The following CNTNAP3 variants were observed in gnomAD, a reference collection of about 807,000 sequenced individuals.
The protein encoded by CNTNAP3 is contactin-associated protein-like 3.
A neutral mutation model predicts 92.1 loss-of-function variants in CNTNAP3; 36 were observed. That is an observed-to-expected ratio of 0.39 (90% CI 0.30 to 0.52). The LOEUF is 0.52. Among genes scored for constraint, CNTNAP3 ranks in the 20% least tolerant of loss-of-function variants. The pLI, the probability that CNTNAP3 is intolerant of heterozygous loss-of-function variation, is 0.76. For synonymous variants in CNTNAP3, 232 were observed against 422.3 expected, an observed-to-expected ratio of 0.55 and a Z score of 5.53; for missense variants, 534 against 1,069.6, an observed-to-expected ratio of 0.50 and a Z score of 6.98.
chr9:39,096,561 T>A (rs1341099599), intron 18 of CNTNAP3, among the ~76,000 whole-genome samples: 3 of 151,372 alleles, frequency 2.0e-5, no homozygotes, highest in Non-Finnish European at 4.4e-5. Context: ...TTAGGAACAT[T>A]CCAGTTCCAC....
intron 13 of CNTNAP3, among the ~76,000 whole-genome samples, chr9:39,131,717 T>A (rs948980704): frequency 3.3e-5 from 5 of 152,154 alleles, no homozygotes; most frequent in Non-Finnish European, 5.9e-5. Context: ...TCTCAGCTAT[T>A]CGGGAGGCTG....
chr9:39,100,480 C>T (rs2778224), intron 17 of CNTNAP3, among the ~76,000 whole-genome samples: 35,009 of 151,770 alleles, frequency 0.23, 4,347 homozygotes, highest in East Asian at 0.38. Context: ...AAACACTATT[C>T]TACTTTGTTT....
chr9:39,115,109 T>A (rs1587715073), intron 14 of CNTNAP3, among the ~76,000 whole-genome samples: 1 of 151,982 alleles, frequency 6.6e-6, no homozygotes, highest in African/African-American at 2.4e-5. Context: ...AACTTTTTTT[T>A]AAGTAATATG....
At chr9:39,080,394 A>G (rs1212816436) in intron 21 of CNTNAP3, among the ~76,000 whole-genome samples, 1 of 136,228 alleles carries the variant, frequency 7.3e-6, no homozygotes, top group East Asian at 2.5e-4. Context: ...CCCATTTTGT[A>G]GTTTTCCACT....
chr9:39,113,058 A>T (rs1006029930), intron 14 of CNTNAP3, among the ~76,000 whole-genome samples: 18 of 151,428 alleles, frequency 1.2e-4, no homozygotes, highest in Admixed American at 3.3e-4. Flanking sequence ...TTTTGGGCTA[A>T]TTTTTTTTTG....
chr9:39,085,208 C>T (rs141908866), intron 21 of CNTNAP3: 22,120 of 124,068 alleles, frequency 0.18, 5,155 homozygotes, highest in African/African-American at 0.47. Flanking sequence ...CCTTGCGTAA[C>T]AGATATTTAT....
At chr9:39,111,317 A>G (rs1229185420) in intron 14 of CNTNAP3, among the ~76,000 whole-genome samples, 1 of 152,174 alleles carries the variant, frequency 6.6e-6, no homozygotes, top group African/African-American at 2.4e-5. Context: ...TTCTTTTATA[A>G]AAGACTTTAG....
chr9:39,135,484 G>A (rs916592591), intron 12 of CNTNAP3, among the ~76,000 whole-genome samples: 1 of 152,052 alleles, frequency 6.6e-6, no homozygotes, highest in African/African-American at 2.4e-5. Flanking sequence ...CCCAGAAGGA[G>A]GGTAACTGTA....
chr9:39,148,519 G>A (rs1271714872), intron 10 of CNTNAP3, among the ~76,000 whole-genome samples: 8 of 148,310 alleles, frequency 5.4e-5, no homozygotes, highest in Non-Finnish European at 8.9e-5. Context: ...ACCAGATGCA[G>A]ATATAACTTT....
rs1286499772 is a variant in CNTNAP3, at chr9:39,140,386, T to A, written c.1876+133A>T. 1.1e-5 allele frequency: 15 copies of A among 1,374,014 alleles called. No homozygotes were observed. The East Asian group carries it at 3.5e-4, about 32-fold the overall frequency. 85.1% of individuals were successfully genotyped at this position (1,374,014 alleles called of 1,614,324 possible). A position where few individuals can be genotyped will look rare whatever the true frequency, so the allele number is the denominator to read the frequency against. ...CAAGAAAATTTTGTTGACAACAAAA[T>A]TAATAAATATATATTTAATGCTTCT... On this transcript the variant is annotated intron_variant, in intron 12 of 23. Transcript: ENST00000297668.
At chr9:39,093,618 A>G (rs1826261659) in intron 18 of CNTNAP3, among the ~76,000 whole-genome samples, 2 of 151,434 alleles carry the variant, frequency 1.3e-5, no homozygotes, top group South Asian at 4.1e-4. Flanking sequence ...GAGTTATATA[A>G]TATCTGCCCT....
chr9:39,079,226 C>T (rs1340990572), intron 21 of CNTNAP3, among the ~76,000 whole-genome samples: 1 of 151,822 alleles, frequency 6.6e-6, no homozygotes, highest in Non-Finnish European at 1.5e-5. Context: ...AAATCCTCTG[C>T]CATTTAATTT....
intron 23 of CNTNAP3, among the ~76,000 whole-genome samples, chr9:39,075,598 T>G (rs1310362682): frequency 6.6e-6 from 1 of 152,304 alleles, no homozygotes; most frequent in African/African-American, 2.4e-5. Flanking sequence ...AAATTCTCTT[T>G]TACCGGAGAC....
In CNTNAP3 at chr9:39,163,222, T is replaced by TA. The variant is rs1048610969; in HGVS notation, c.1477+2710dup. ...GGGACAGATTTCAGTCCCATCCTAA[T>TA]AAAAAAAAAATCTCTGTTCTGTTTA... On this transcript the variant is annotated intron_variant, in intron 9 of 23. Coordinates refer to ENST00000297668, the MANE Select transcript of CNTNAP3 (RefSeq NM_033655.5). 4.6e-4 allele frequency among the ~76,000 whole-genome samples: 24 copies of TA among 52,560 alleles called. 1 individual carries two copies. The highest frequency in any genetic ancestry group is 6.1e-4 in the Non-Finnish European group (17 of 28,090). The allele number at this position is 52,560 out of a possible 152,430, so 34.5% of individuals were successfully genotyped here. A position where few individuals can be genotyped will look rare whatever the true frequency, so the allele number is the denominator to read the frequency against.
In CNTNAP3 at chr9:39,067,645, C is replaced by T. The variant is rs1348262826; in HGVS notation, c.*6245G>A. Among the ~76,000 whole-genome samples the T allele has an allele frequency of 6.6e-6, 1 of 152,310 alleles. No homozygotes were observed. The highest frequency in any genetic ancestry group is 1.5e-5 in the Non-Finnish European group (1 of 68,056). On this transcript the variant is annotated 3_prime_UTR_variant, in exon 24 of 24. Coordinates refer to ENST00000297668, the MANE Select transcript of CNTNAP3 (RefSeq NM_033655.5). ...TCTCCCGACCTCGTGATCTGCCTGCCTCGACCTCCCAAAGTGCTGGGATTA... is the reference window on the plus strand; with the variant it reads ...TCTCCCGACCTCGTGATCTGCCTGCTTCGACCTCCCAAAGTGCTGGGATTA...
chr9:39,131,642 A>C (rs1821296211), intron 13 of CNTNAP3, among the ~76,000 whole-genome samples: 1 of 152,106 alleles, frequency 6.6e-6, no homozygotes. Flanking sequence ...CCTGACCAAC[A>C]CGGTGAAACC....
chr9:39,075,861 C>A (rs1825748232), intron 23 of CNTNAP3, among the ~76,000 whole-genome samples: 1 of 152,312 alleles, frequency 6.6e-6, no homozygotes, highest in Non-Finnish European at 1.5e-5. Context: ...GCTTGTTTTT[C>A]TCTTGTTAAT....
intron 23 of CNTNAP3, among the ~76,000 whole-genome samples, chr9:39,077,592 A>AAAC (rs780633429): frequency 1.4e-5 from 2 of 145,398 alleles, no homozygotes; most frequent in African/African-American, 5.1e-5. Context: ...ACAAACAAAC[A>AAAC]AAAAACTTCT....
At chr9:39,128,156 C>A (rs960391781) in intron 13 of CNTNAP3, among the ~76,000 whole-genome samples, 1 of 151,926 alleles carries the variant, frequency 6.6e-6, no homozygotes, top group African/African-American at 2.4e-5. Flanking sequence ...AGAATTCTAC[C>A]AAATGTTTAA....
Sources: gnomAD v4.1 joint callset for allele counts (sites outside exome capture counted in the v4.1 genomes callset) on GRCh38, gnomAD v4.1.1 for gene constraint, MANE v1.5 for transcripts, NCBI Gene and HGNC (gene_info 2026-07-23, HGNC 2026-07-21) for gene names.